PCM1: variants seen among roughly 807,000 people sequenced by gnomAD.
The protein encoded by PCM1 is pericentriolar material 1 protein.
In PCM1, 157 loss-of-function variants were observed where a neutral mutation model predicts 241.9. The ratio of observed to expected loss-of-function variants is 0.65; its 90% confidence interval spans 0.57 to 0.74. The LOEUF is 0.74. Among genes scored for constraint, PCM1 ranks in the 30% least tolerant of loss-of-function variants. The pLI, the probability that PCM1 is intolerant of heterozygous loss-of-function variation, is 0.00. For missense variants in PCM1, 3,478 were observed against 2,360.1 expected (o/e 1.47, Z -9.81); for synonymous variants, 1,085 against 784.9 (o/e 1.38, Z -6.39).
chr8:17,996,855 A>G (rs780622613), intron 29 of PCM1, among the ~76,000 whole-genome samples: 5 of 152,050 alleles, frequency 3.3e-5, no homozygotes, highest in Admixed American at 6.6e-5. Flanking sequence ...TTCTCTTTAT[A>G]TCTTACTGTA....
intron 6 of PCM1, among the ~76,000 whole-genome samples, chr8:17,944,631 A>G (rs923979795): frequency 6.6e-6 from 1 of 152,066 alleles, no homozygotes; most frequent in Non-Finnish European, 1.5e-5. Context: ...ATTAATATAC[A>G]CCTAGCATCC....
intron 6 of PCM1, among the ~76,000 whole-genome samples, chr8:17,941,115 C>G (rs1394814711): frequency 1.3e-5 from 2 of 152,102 alleles, no homozygotes; most frequent in African/African-American, 2.4e-5. Flanking sequence ...CTTAGAGAGC[C>G]TGATCCAAAC....
In PCM1 at chr8:18,011,386, A is replaced by ACTATCTAT. The variant is rs34273037; in HGVS notation, c.5350+26_5350+27insATCTATCT. 2.0e-6 allele frequency: 3 copies of ACTATCTAT among 1,532,558 alleles called. No homozygotes were observed. The African/African-American group carries it at 4.2e-5, about 22-fold the overall frequency. 94.9% of individuals were successfully genotyped at this position (1,532,558 alleles called of 1,614,324 possible). On this transcript the variant is annotated intron_variant, in intron 33 of 38. Coordinates refer to ENST00000325083, the MANE Select transcript of PCM1 (RefSeq NM_006197.4). ...CTATTAGTAAGTTTAAAGGCTCTGT[A>ACTATCTAT]CTATCTTTATACTTTAGTTTTTTGT...
chr8:17,978,954 C>T (rs975587602), intron 23 of PCM1, among the ~76,000 whole-genome samples: 1 of 151,986 alleles, frequency 6.6e-6, no homozygotes, highest in African/African-American at 2.4e-5. Context: ...AGAAGCTATT[C>T]TCATGAGAAT....
At chr8:17,955,422 T>C (rs765405148) in intron 9 of PCM1, 48 bp from the exon 10 acceptor site, 125 of 1,354,822 alleles carry the variant, frequency 9.2e-5, no homozygotes, top group Non-Finnish European at 1.2e-4. Flanking sequence ...TGTTTGTTTA[T>C]GGTAACTGGT....
chr8:17,949,393 C>T (rs970647037), intron 7 of PCM1, among the ~76,000 whole-genome samples: 7 of 151,842 alleles, frequency 4.6e-5, no homozygotes, highest in African/African-American at 1.2e-4. Context: ...TTTGACTAGA[C>T]ATATAGGATT....
intron 2 of PCM1, chr8:17,934,955 AG>A (rs2060015693): frequency 6.6e-6 from 1 of 152,236 alleles, no homozygotes. Context: ...ACCAAGATTT[AG>A]AGAAAGCACT....
At chr8:18,002,911 T>C (rs898528723) in intron 29 of PCM1, among the ~76,000 whole-genome samples, 18 of 121,084 alleles carry the variant, frequency 1.5e-4, no homozygotes, top group Non-Finnish European at 2.5e-4. Context: ...CGCCCACTTT[T>C]TGACCTTTCA....
chr8:18,004,695 C>T (rs1445628393), intron 29 of PCM1, among the ~76,000 whole-genome samples: 1 of 152,162 alleles, frequency 6.6e-6, no homozygotes, highest in Non-Finnish European at 1.5e-5. Context: ...CACCCAGTCA[C>T]CTGAGTTAGA....
chr8:18,021,180 G>T (rs2129487979), intron 36 of PCM1, among the ~76,000 whole-genome samples: 1 of 152,322 alleles, frequency 6.6e-6, no homozygotes, highest in East Asian at 1.9e-4. Flanking sequence ...CAAGGACTCA[G>T]TGAAGGCCCA....
intron 36 of PCM1, among the ~76,000 whole-genome samples, chr8:18,024,750 T>C (rs2094039688): frequency 6.6e-6 from 1 of 152,122 alleles, no homozygotes; most frequent in African/African-American, 2.4e-5. Context: ...GGATCTACTA[T>C]TATATAAGTA....
chr8:17,955,806 G>A, intron 10 of PCM1, 153 bp downstream of exon 10: 2 of 652,592 alleles, frequency 3.1e-6, no homozygotes, highest in Admixed American at 2.5e-5. Context: ...TGTGTGTTGT[G>A]TGGGCATAAT....
intron 23 of PCM1, chr8:17,980,133 G>A (rs1247909244): frequency 6.6e-6 from 1 of 151,580 alleles, no homozygotes; most frequent in Non-Finnish European, 1.5e-5. Context: ...TAGAATATAT[G>A]TATAACCTAT....
rs764623086 is a variant in PCM1, at chr8:17,993,548, C to T, written c.4756C>T (p.Pro1586Ser). 2 of 1,597,212 alleles carry T rather than the reference C, an allele frequency of 1.3e-6. No individual in the cohort carries two copies. Among genetic ancestry groups the T allele is most frequent in the South Asian group, 2.3e-5 (2 of 88,304 alleles). ...AAGTGAAGTTTCTACCATCCCATGT[C>T]CTAGAATTGATACTCAGCAGCTGGA... ...PVSEVSTIPC[P>S]RIDTQQLDRQ... The change falls in exon 29 of 39, where the codon CCT becomes TCT. Residue 1586 changes from proline (P) to serine (S), a missense_variant. Pro to Ser is a moderately conservative substitution (Grantham distance 74, BLOSUM62 -1). Coordinates refer to ENST00000325083, the MANE Select transcript of PCM1 (RefSeq NM_006197.4).
intron 29 of PCM1, among the ~76,000 whole-genome samples, chr8:18,004,965 A>C (rs187075908): frequency 9.2e-5 from 14 of 152,092 alleles, no homozygotes; most frequent in African/African-American, 3.4e-4. Context: ...ATCTAGGTAC[A>C]TTCACTTCAC....
chr8:18,010,718 C>T (rs1403332809), intron 32 of PCM1, 50 bp downstream of exon 32: 6 of 1,359,524 alleles, frequency 4.4e-6, no homozygotes, highest in African/African-American at 1.5e-5. Flanking sequence ...CGCGGTGGCT[C>T]ACCCCCGTAA....
chr8:18,014,079 T>C, intron 35 of PCM1, 43 bp downstream of exon 35: 1 of 1,126,706 alleles, frequency 8.9e-7, no homozygotes, highest in Non-Finnish European at 1.3e-6. Context: ...ATAATTTCCT[T>C]TATTTGCTTT....
At position 17,960,325 on chromosome 8, in the gene PCM1, T is replaced by C. The variant is rs1164055274; in HGVS notation, c.2203T>C (p.Tyr735His). Residue 735 changes from tyrosine (Y) to histidine (H), a missense_variant, in exon 15 of 39, where the codon TAT becomes CAT. Physicochemically the swap from Tyr to His is moderately conservative, Grantham distance 83 (BLOSUM62 2). Transcript: ENST00000325083. The stretch of plus-strand genomic sequence containing the variant: ...TCAATTTAATTGTAGAGAGAAATTT[T>C]ATGAGGCTAAACTACAGCAGCAACA... ...GVNEKAREKF[Y>H]EAKLQQQQRE... 1.3e-6 allele frequency: 2 copies of C among 1,589,390 alleles called. No homozygotes were observed. The highest frequency in any genetic ancestry group is 1.7e-6 in the Non-Finnish European group (2 of 1,173,818).
intron 18 of PCM1, among the ~76,000 whole-genome samples, chr8:17,965,013 A>G (rs182606627): frequency 2.0e-5 from 3 of 152,304 alleles, no homozygotes; most frequent in Admixed American, 6.5e-5. Flanking sequence ...TCTGTGCAAC[A>G]TGGCTAGAAA....
Sources: gnomAD v4.1 joint callset for allele counts (sites outside exome capture counted in the v4.1 genomes callset) on GRCh38, gnomAD v4.1.1 for gene constraint, MANE v1.5 for transcripts, NCBI Gene and HGNC (gene_info 2026-07-23, HGNC 2026-07-21) for gene names.